The following SDK1 variants were observed in gnomAD, a reference collection of about 807,000 sequenced individuals.
SDK1 encodes the protein sidekick cell adhesion molecule 1.
Under a neutral mutation model 245.5 loss-of-function variants are expected in SDK1, and 157 were observed. That is an observed-to-expected ratio of 0.64 (90% CI 0.56 to 0.73). The LOEUF (loss-of-function observed/expected upper bound fraction) is 0.73, where lower values mean the gene tolerates loss of function less well. SDK1 is among the 30% of genes least tolerant of loss of function. The pLI is 0.00. For synonymous variants in SDK1, 1,647 were observed against 1,278.5 expected, an observed-to-expected ratio of 1.29 and a Z score of -6.15; for missense variants, 3,583 against 3,002.3, an observed-to-expected ratio of 1.19 and a Z score of -4.52.
At chr7:4,139,274 C>T (rs1333814012) in intron 28 of SDK1, among the ~76,000 whole-genome samples, 1 of 152,174 alleles carries the variant, frequency 6.6e-6, no homozygotes, top group Non-Finnish European at 1.5e-5. Context: ...ACCCTAGGGC[C>T]AAAGGTGATT....
At chr7:3,754,205 G>A (rs28689669) in intron 4 of SDK1, among the ~76,000 whole-genome samples, 12,474 of 152,216 alleles carry the variant, frequency 0.082, 1,584 homozygotes, top group African/African-American at 0.28. Flanking sequence ...TTTTCATACA[G>A]TTGTCTTGCT....
At chr7:3,596,262 T>C (rs570909376) in intron 1 of SDK1, among the ~76,000 whole-genome samples, 1 of 152,172 alleles carries the variant, frequency 6.6e-6, no homozygotes, top group African/African-American at 2.4e-5. Context: ...TAAACAGTAA[T>C]AGGAGAAATG....
chr7:3,793,863 G>C (rs751733070), intron 4 of SDK1, among the ~76,000 whole-genome samples: 2 of 152,108 alleles, frequency 1.3e-5, no homozygotes, highest in Non-Finnish European at 2.9e-5. Context: ...GGAAGATGTA[G>C]GTGGATCTAC....
chr7:4,051,652 G>T lies in SDK1; in HGVS notation c.2733G>T (p.Pro911=). 1.2e-6 allele frequency: 2 copies of T among 1,610,176 alleles called. No homozygotes were observed. Among genetic ancestry groups the T allele is most frequent in the Non-Finnish European group, 1.7e-6 (2 of 1,178,460 alleles). The change falls in exon 19 of 45, where the codon CCG becomes CCT. Residue 911 remains proline, a synonymous_variant. Coordinates refer to ENST00000404826, the MANE Select transcript of SDK1 (RefSeq NM_152744.4). ...TTCCATCTCAGCTTCTGGCATGGCC[G>T]GCAGATGCCCCCGAGGCTGTCACTG... ...INQGYKLLAW[P]ADAPEAVTVV...
intron 1 of SDK1, among the ~76,000 whole-genome samples, chr7:3,399,572 A>C (rs970628669): frequency 1.7e-4 from 26 of 152,258 alleles, no homozygotes; most frequent in Non-Finnish European, 3.2e-4. Flanking sequence ...TTATCCCCCC[A>C]GAGTATCATC....
intron 5 of SDK1, among the ~76,000 whole-genome samples, chr7:3,949,206 C>G (rs566695479): frequency 6.6e-6 from 1 of 152,198 alleles, no homozygotes; most frequent in Non-Finnish European, 1.5e-5. Flanking sequence ...GCCTCAGCCC[C>G]CCAGGGACCC....
chr7:3,930,169 C>T (rs185531822), intron 5 of SDK1, among the ~76,000 whole-genome samples: 84 of 152,220 alleles, frequency 5.5e-4, no homozygotes, highest in African/African-American at 1.0e-3. Context: ...ACTGAGACTT[C>T]GCCTTTATAA....
intron 35 of SDK1, among the ~76,000 whole-genome samples, chr7:4,201,689 G>A (rs1448758293): frequency 2.6e-5 from 4 of 152,134 alleles, no homozygotes. Flanking sequence ...GGCACAGCGT[G>A]GCTCTAGTGA....
At chr7:3,304,483 C>T (rs34735349) in intron 1 of SDK1, among the ~76,000 whole-genome samples, 1 of 151,970 alleles carries the variant, frequency 6.6e-6, no homozygotes, top group Non-Finnish European at 1.5e-5. Context: ...CAGTAGACCT[C>T]CTAGATTCAG....
At chr7:3,401,564 T>C (rs1486791026) in intron 1 of SDK1, among the ~76,000 whole-genome samples, 1 of 152,190 alleles carries the variant, frequency 6.6e-6, no homozygotes, top group African/African-American at 2.4e-5. Context: ...CAGGTGAGTC[T>C]TGAAGAGGCT....
At chr7:3,343,002 G>GAA (rs59587479) in intron 1 of SDK1, among the ~76,000 whole-genome samples, 33,456 of 137,764 alleles carry the variant, frequency 0.24, 4,307 homozygotes, top group East Asian at 0.41. Context: ...CTAAATGGCT[G>GAA]AAAAAAAAAA....
chr7:4,144,879 C>A (rs991949998), intron 28 of SDK1, among the ~76,000 whole-genome samples: 1 of 152,208 alleles, frequency 6.6e-6, no homozygotes, highest in East Asian at 1.9e-4. Context: ...CACAGCGCCC[C>A]GTCATTTCTG....
intron 1 of SDK1, among the ~76,000 whole-genome samples, chr7:3,351,093 G>A (rs745695037): frequency 1.3e-5 from 2 of 152,110 alleles, no homozygotes; most frequent in Non-Finnish European, 2.9e-5. Context: ...AAACAGCTTG[G>A]TTACTGACTA....
chr7:3,911,692 G>A (rs1337196282), intron 5 of SDK1, among the ~76,000 whole-genome samples: 1 of 152,136 alleles, frequency 6.6e-6, no homozygotes, highest in Non-Finnish European at 1.5e-5. Context: ...GCCCAGGCCA[G>A]CCATCTCTTT....
intron 17 of SDK1, among the ~76,000 whole-genome samples, chr7:4,044,955 C>CAA (rs1227128422): frequency 6.6e-6 from 1 of 152,186 alleles, no homozygotes; most frequent in Non-Finnish European, 1.5e-5. Context: ...CAGCACTTGG[C>CAA]AAGCACTGCT....
chr7:3,817,769 C>T (rs1393554990), intron 4 of SDK1, among the ~76,000 whole-genome samples: 2 of 152,184 alleles, frequency 1.3e-5, no homozygotes, highest in African/African-American at 4.8e-5. Context: ...CTCTCTTCCT[C>T]GGATTTCATC....
intron 16 of SDK1, among the ~76,000 whole-genome samples, chr7:4,014,862 A>G (rs1374705075): frequency 1.3e-5 from 2 of 152,168 alleles, no homozygotes; most frequent in Non-Finnish European, 2.9e-5. Context: ...CTATCACAAA[A>G]GCACCCGGAG....
intron 1 of SDK1, among the ~76,000 whole-genome samples, chr7:3,391,482 T>G (rs1347457093): frequency 2.0e-5 from 3 of 152,092 alleles, no homozygotes; most frequent in African/African-American, 7.2e-5. Flanking sequence ...TTTTTTTCCT[T>G]TACGTTTTCT....
At chr7:3,431,597 A>G (rs1779849420) in intron 1 of SDK1, among the ~76,000 whole-genome samples, 1 of 152,100 alleles carries the variant, frequency 6.6e-6, no homozygotes, top group Admixed American at 6.5e-5. Context: ...TGAAGTGGTG[A>G]GTGGGAGAAT....
Sources: gnomAD v4.1 joint callset for allele counts (sites outside exome capture counted in the v4.1 genomes callset) on GRCh38, gnomAD v4.1.1 for gene constraint, MANE v1.5 for transcripts, NCBI Gene and HGNC (gene_info 2026-07-23, HGNC 2026-07-21) for gene names.